PPP2R2B: variants seen among roughly 807,000 people sequenced by gnomAD.
The protein encoded by PPP2R2B is serine/threonine-protein phosphatase 2A 55 kDa regulatory subunit B beta isoform.
PPP2R2B carries 5 observed loss-of-function variants against 46.0 expected under a neutral mutation model. The observed-to-expected ratio is 0.11, with a 90% CI of 0.06 to 0.23. The LOEUF (loss-of-function observed/expected upper bound fraction) is 0.23. PPP2R2B is among the 10% of genes least tolerant of loss of function. The pLI is 1.00. For synonymous variants in PPP2R2B, 215 were observed against 206.7 expected (o/e 1.04, Z -0.34); for missense variants, 367 against 575.0 (o/e 0.64, Z 3.70).
chr5:146,874,918 T>C (rs1761812948), intron 2 of PPP2R2B, among the ~76,000 whole-genome samples: 1 of 152,202 alleles, frequency 6.6e-6, no homozygotes, highest in African/African-American at 2.4e-5. Flanking sequence ...ATACACACAC[T>C]TCAAATTTTC....
intron 1 of PPP2R2B, among the ~76,000 whole-genome samples, chr5:146,986,527 G>A (rs371851617): frequency 4.8e-4 from 73 of 152,008 alleles, no homozygotes; most frequent in African/African-American, 1.6e-3. Context: ...ACACAGAGAA[G>A]CAATTCAGAA....
At chr5:147,081,014 A>C (rs1371045653) in intron 2 of PPP2R2B, 14 of 1,500,992 alleles carry the variant, frequency 9.3e-6, no homozygotes, top group Non-Finnish European at 1.3e-5. Flanking sequence ...AAATCAGCAC[A>C]AACTCCCAAG....
In PPP2R2B at chr5:146,606,214, G is replaced by A. The variant is rs115674616; in HGVS notation, c.791-5754C>T. On this transcript the variant is annotated intron_variant, in intron 7 of 9. Coordinates refer to ENST00000394411, the MANE Select transcript of PPP2R2B (RefSeq NM_181675.4). ...AGAAGAGAGAGATTAGGTAACCACAGGTGCAGGCTGTTGCTGGGTGTGGCT... is the reference window on the plus strand; with the variant it reads ...AGAAGAGAGAGATTAGGTAACCACAAGTGCAGGCTGTTGCTGGGTGTGGCT... Among the ~76,000 whole-genome samples the A allele has an allele frequency of 6.4e-3, 973 of 152,306 alleles. 12 individuals are homozygous for A. The highest frequency in any genetic ancestry group is 0.021 in the African/African-American group (892 of 41,562).
At chr5:146,604,952 G>T (rs1301726990) in intron 7 of PPP2R2B, among the ~76,000 whole-genome samples, 1 of 152,078 alleles carries the variant, frequency 6.6e-6, no homozygotes, top group Non-Finnish European at 1.5e-5. Flanking sequence ...TGCCTCTGTT[G>T]CTCCTCACCT....
chr5:146,590,042 T>C lies in PPP2R2B; in HGVS notation c.1237A>G (p.Lys413Glu). The change falls in exon 10 of 10, where the codon AAA becomes GAA. Residue 413 changes from lysine (K) to glutamate (E), a missense_variant. Transcript: ENST00000394411. ...TGCCAAGCTGTATGCAAGATCTTTT[T>C]GCTAAAGTCCAGACTGTCGACACTG... Reference protein sequence around the residue: ...EISVDSLDFSKKILHTAWHPS... With the variant: ...EISVDSLDFSEKILHTAWHPS... The C allele has an allele frequency of 6.2e-7, 1 of 1,614,202 alleles. No homozygotes were observed. Among genetic ancestry groups the C allele is most frequent in the Non-Finnish European group, 8.5e-7 (1 of 1,180,038 alleles).
chr5:146,807,313 C>T (rs1757236597), intron 2 of PPP2R2B, among the ~76,000 whole-genome samples: 1 of 152,254 alleles, frequency 6.6e-6, no homozygotes, highest in Non-Finnish European at 1.5e-5. Flanking sequence ...GGAGGCATGG[C>T]AGTATGTTTT....
chr5:146,907,685 T>G (rs760861782), intron 1 of PPP2R2B, among the ~76,000 whole-genome samples: 3 of 152,250 alleles, frequency 2.0e-5, no homozygotes, highest in Non-Finnish European at 2.9e-5. Flanking sequence ...TAAATGCTGT[T>G]GATTTGTCAA....
intron 7 of PPP2R2B, among the ~76,000 whole-genome samples, chr5:146,627,859 A>G (rs1375024288): frequency 1.3e-5 from 2 of 152,094 alleles, no homozygotes; most frequent in African/African-American, 4.8e-5. Context: ...TCTGATTTGC[A>G]TTGTTGGACT....
At chr5:146,706,833 C>T in intron 2 of PPP2R2B, 2 of 987,706 alleles carry the variant, frequency 2.0e-6, no homozygotes, top group Non-Finnish European at 3.3e-6. Flanking sequence ...ACCTTGACCT[C>T]AGCGATGATG....
intron 1 of PPP2R2B, among the ~76,000 whole-genome samples, chr5:146,947,456 G>A (rs1764519015): frequency 6.6e-6 from 1 of 152,120 alleles, no homozygotes; most frequent in Admixed American, 6.6e-5. Context: ...AACTGTTGGA[G>A]AAGTGGACTG....
chr5:147,033,868 G>T (rs1755909421), intron 1 of PPP2R2B, among the ~76,000 whole-genome samples: 1 of 151,818 alleles, frequency 6.6e-6, no homozygotes, highest in East Asian at 1.9e-4. Context: ...CCTCTTATTG[G>T]TATTCTTGCC....
intron 1 of PPP2R2B, among the ~76,000 whole-genome samples, chr5:147,049,376 CT>C (rs543806879): frequency 2.0e-5 from 3 of 150,436 alleles, no homozygotes; most frequent in South Asian, 2.1e-4. Flanking sequence ...ACAAACAGGG[CT>C]TTTTTTTTAG....
At chr5:146,918,561 C>A (rs1057263978) in intron 1 of PPP2R2B, among the ~76,000 whole-genome samples, 1 of 152,188 alleles carries the variant, frequency 6.6e-6, no homozygotes, top group Non-Finnish European at 1.5e-5. Context: ...AGGATAAAGT[C>A]CAAATGTTTT....
intron 2 of PPP2R2B, among the ~76,000 whole-genome samples, chr5:146,852,486 C>G (rs1234978518): frequency 6.6e-6 from 1 of 152,074 alleles, no homozygotes; most frequent in Admixed American, 6.6e-5. Context: ...AAAGGAAAGC[C>G]CCGTTATCAG....
At chr5:146,616,027 C>A (rs1308255207) in intron 7 of PPP2R2B, among the ~76,000 whole-genome samples, 9 of 152,050 alleles carry the variant, frequency 5.9e-5, no homozygotes, top group Admixed American at 4.6e-4. Context: ...ATGGTACTGG[C>A]ATAAAAACAG....
chr5:147,067,114 T>C (rs986528937), intron 2 of PPP2R2B, among the ~76,000 whole-genome samples: 1 of 152,206 alleles, frequency 6.6e-6, no homozygotes, highest in Non-Finnish European at 1.5e-5. Flanking sequence ...TTTAAAAATA[T>C]GTACACATTT....
Position 146,705,752 on chromosome 5 carries a change from GA to G in PPP2R2B, c.71-4611del, listed in dbSNP as rs200041252. Among the ~76,000 whole-genome samples the G allele has an allele frequency of 5.7e-3, 868 of 152,162 alleles. 3 individuals are homozygous for G. Among genetic ancestry groups the G allele is most frequent in the African/African-American group, 0.018 (748 of 41,526 alleles). ...TCCACAAATAGGGGGTTGGGGAGGG[GA>G]TAGGAAAAAAGTCTGGTTATGGCCA... On this transcript the variant is annotated intron_variant, in intron 2 of 9. Coordinates refer to ENST00000394411, the MANE Select transcript of PPP2R2B (RefSeq NM_181675.4).
chr5:147,050,733 A>C (rs1284862117), intron 1 of PPP2R2B, among the ~76,000 whole-genome samples: 1 of 152,084 alleles, frequency 6.6e-6, no homozygotes, highest in Non-Finnish European at 1.5e-5. Context: ...AATTGTGCCT[A>C]GCAAATAGTA....
At chr5:146,996,785 C>T (rs1376131213) in intron 1 of PPP2R2B, among the ~76,000 whole-genome samples, 1 of 152,056 alleles carries the variant, frequency 6.6e-6, no homozygotes, top group Non-Finnish European at 1.5e-5. Context: ...TGGATGGTGT[C>T]ATTAACAGCA....
Sources: gnomAD v4.1 joint callset for allele counts (sites outside exome capture counted in the v4.1 genomes callset) on GRCh38, gnomAD v4.1.1 for gene constraint, MANE v1.5 for transcripts, NCBI Gene and HGNC (gene_info 2026-07-23, HGNC 2026-07-21) for gene names.